MUC20: variants seen among roughly 807,000 people sequenced by gnomAD.
MUC20 encodes mucin-20.
Under a neutral mutation model 23.8 loss-of-function variants are expected in MUC20, and 14 were observed. That is an observed-to-expected ratio of 0.59 (90% CI 0.39 to 0.92). The LOEUF (loss-of-function observed/expected upper bound fraction) is 0.92, where lower values mean the gene tolerates loss of function less well. Ranked by LOEUF, MUC20 falls within the 40% of genes least tolerant of loss-of-function variation. The pLI is 0.00. For synonymous variants in MUC20, 166 were observed against 279.3 expected (o/e 0.59, Z 4.04); for missense variants, 375 against 668.8 (o/e 0.56, Z 4.85).
At position 195,733,181 on chromosome 3, in the gene MUC20, A is replaced by C; in HGVS notation, c.2093A>C (p.His698Pro). Reference protein sequence around the residue: ...LHRELHAHAPHFQVSLLRVRR... With the variant: ...LHRELHAHAPPFQVSLLRVRR... The stretch of plus-strand genomic sequence containing the variant: ...CGGGAACTCCACGCCCACGCGCCTC[A>C]CTTCCAGGTCTCCTTACTGCGTGTC... The change falls in exon 4 of 4, where the codon CAC becomes CCC. Residue 698 changes from histidine (H) to proline (P), a missense_variant. By Grantham distance (77) the His-to-Pro change is moderately conservative. This residue lies in a region of MUC20 where 343 missense variants were observed against 340.2 expected (regional missense o/e 1.01). Transcript: ENST00000447234. The C allele has an allele frequency of 3.1e-6, 5 of 1,595,750 alleles. No individual in the cohort carries two copies. Among genetic ancestry groups the C allele is most frequent in the Non-Finnish European group, 4.3e-6 (5 of 1,172,128 alleles).
At chr3:195,726,784 C>T (rs1282145148) in intron 2 of MUC20, among the ~76,000 whole-genome samples, 11 of 152,370 alleles carry the variant, frequency 7.2e-5, no homozygotes, top group Middle Eastern at 3.4e-3. Context: ...GATGGAAGTC[C>T]GGAGAAATGG....
At chr3:195,729,192 C>T (rs77023253) in intron 2 of MUC20, among the ~76,000 whole-genome samples, 2,111 of 152,212 alleles carry the variant, frequency 0.014, 8 homozygotes, top group Non-Finnish European at 0.022. Flanking sequence ...CCTTTCTCCC[C>T]TGGCTGTGCC....
intron 3 of MUC20, 125 bp downstream of exon 3, chr3:195,729,864 G>A: frequency 1.1e-6 from 1 of 922,692 alleles, no homozygotes; most frequent in Admixed American, 2.3e-5. Flanking sequence ...GTTTCTTACG[G>A]AGAATTGGGA....
Position 195,733,191 on chromosome 3 carries a change from C to G in MUC20, c.2103C>G (p.Val701=), listed in dbSNP as rs763427998. Residue 701 remains valine, a synonymous_variant, in exon 4 of 4, where the codon GTC becomes GTG. Transcript: ENST00000447234. ...ACGCCCACGCGCCTCACTTCCAGGT[C>G]TCCTTACTGCGTGTCAGGAGAGGCT... The part of the protein sequence containing the change: ...ELHAHAPHFQ[V]SLLRVRRG 6.3e-7 allele frequency: 1 copy of G among 1,595,242 alleles called. No individual in the cohort carries two copies. The highest frequency in any genetic ancestry group is 1.2e-5 in the South Asian group (1 of 86,904).
At chr3:195,729,820 A>C (rs1713180714) in intron 3 of MUC20, 81 bp downstream of exon 3, 1 of 1,339,652 alleles carries the variant, frequency 7.5e-7, no homozygotes, top group Non-Finnish European at 1.0e-6. Flanking sequence ...CGCAGGACAC[A>C]GAAGAGCAGC....
intron 3 of MUC20, 115 bp from the exon 4 acceptor site, chr3:195,733,035 G>T: frequency 8.8e-7 from 1 of 1,129,956 alleles, no homozygotes; most frequent in Non-Finnish European, 1.3e-6. Flanking sequence ...GGAGGCCCAG[G>T]AAGGGTTGCC....
At position 195,730,559 on chromosome 3, in the gene MUC20, C is replaced by T. The variant is rs1418906893; in HGVS notation, c.2061+820C>T. On this transcript the variant is annotated intron_variant, in intron 3 of 3. Transcript: ENST00000447234. The stretch of plus-strand genomic sequence containing the variant: ...TAGAGACGGGGTTTCACCGTGTTAG[C>T]CAGAATAGTCTCAATCTCCTGACCT... Among the ~76,000 whole-genome samples the T allele has an allele frequency of 2.6e-5, 4 of 152,038 alleles. No individual in the cohort carries two copies. In the East Asian group the frequency reaches 5.8e-4, roughly 22 times the overall value.
At chr3:195,727,179 C>G (rs1712783910) in intron 2 of MUC20, among the ~76,000 whole-genome samples, 1 of 152,280 alleles carries the variant, frequency 6.6e-6, no homozygotes, top group Admixed American at 6.5e-5. Context: ...GCCGGCGGAT[C>G]ACCTGAGGTC....
chr3:195,728,433 G>A (rs1319032919), intron 2 of MUC20, among the ~76,000 whole-genome samples: 2 of 152,288 alleles, frequency 1.3e-5, no homozygotes, highest in Non-Finnish European at 2.9e-5. Context: ...ACGTAGGCCA[G>A]ATTTATGTTT....
Position 195,726,302 on chromosome 3 carries a change from G to C in MUC20, c.1699G>C (p.Ala567Pro). ...AGCAGTGGGCAAAACAACTTCCTTTGCTGGGAGCTCTGCTTCCTCCTACAG... is the reference window on the plus strand; with the variant it reads ...AGCAGTGGGCAAAACAACTTCCTTTCCTGGGAGCTCTGCTTCCTCCTACAG... ...GSAVGKTTSFAGSSASSYSPS... is the reference protein window; with the variant it reads ...GSAVGKTTSFPGSSASSYSPS... The change falls in exon 2 of 4, where the codon GCT becomes CCT. Residue 567 changes from alanine (A) to proline (P), a missense_variant. This residue lies in a region of MUC20 where 343 missense variants were observed against 340.2 expected (regional missense o/e 1.01). Transcript: ENST00000447234. 1 of 1,614,064 alleles carries C rather than the reference G, an allele frequency of 6.2e-7. No homozygotes were observed. The highest frequency in any genetic ancestry group is 8.5e-7 in the Non-Finnish European group (1 of 1,179,908).
At chr3:195,721,432 G>T (rs57890979) in intron 1 of MUC20, among the ~76,000 whole-genome samples, 1 of 151,632 alleles carries the variant, frequency 6.6e-6, no homozygotes, top group East Asian at 1.9e-4. Context: ...GGCACGGAGC[G>T]GGGGTGCAGG....
At chr3:195,727,865 ACCAC>A (rs1426252816) in intron 2 of MUC20, among the ~76,000 whole-genome samples, 3 of 148,012 alleles carry the variant, frequency 2.0e-5, no homozygotes, top group Non-Finnish European at 4.4e-5. Context: ...CAGGCAGTGT[ACCAC>A]CAGCTTTGCA....
intron 3 of MUC20, 71 bp downstream of exon 3, chr3:195,729,810 C>T (rs751942625): frequency 3.9e-5 from 55 of 1,413,208 alleles, no homozygotes; most frequent in Non-Finnish European, 4.7e-5. Context: ...AGGGAAGACC[C>T]GCAGGACACA....
chr3:195,727,829 C>T (rs573842670), intron 2 of MUC20, among the ~76,000 whole-genome samples: 5 of 140,798 alleles, frequency 3.6e-5, no homozygotes, highest in Non-Finnish European at 5.9e-5. Flanking sequence ...CAGTGTGCCA[C>T]CGGCTTTGCA....
At position 195,729,676 on chromosome 3, in the gene MUC20, G is replaced by T. The variant is rs1055296209; in HGVS notation, c.1998G>T (p.Arg666=). 9.4e-6 allele frequency: 15 copies of T among 1,593,470 alleles called. No individual in the cohort carries two copies. The highest frequency in any genetic ancestry group is 1.3e-5 in the Non-Finnish European group (15 of 1,169,024). The stretch of plus-strand genomic sequence containing the variant: ...AAAATGGAGGTTTCCTCCTCCTGCG[G>T]CTGAGTGTGGCTTCCCCGGAAGACC... ...AGENGGFLLL[R]LSVASPEDLT... Residue 666 remains arginine (R), a synonymous_variant, in exon 3 of 4, where the codon CGG becomes CGT. Transcript: ENST00000447234.
chr3:195,729,567 CTGCCTCCCAAA>C, intron 2 of MUC20, 70 bp from the exon 3 acceptor site: 1 of 1,339,190 alleles, frequency 7.5e-7, no homozygotes, highest in Non-Finnish European at 1.0e-6. Flanking sequence ...CCACCTGCCT[CTGCCTCCCAAA>C]GTGCTGGGAT....
At chr3:195,732,784 T>C (rs1339828885) in intron 3 of MUC20, among the ~76,000 whole-genome samples, 1 of 152,142 alleles carries the variant, frequency 6.6e-6, no homozygotes, top group Non-Finnish European at 1.5e-5. Context: ...CCACATGGGG[T>C]TGGGCATCAG....
At chr3:195,729,915 C>T in intron 3 of MUC20, 176 bp downstream of exon 3, 3 of 659,180 alleles carry the variant, frequency 4.6e-6, no homozygotes, top group Non-Finnish European at 7.7e-6. Context: ...CTTCTGCCTG[C>T]CTTCTCCGAG....
chr3:195,726,150 C>T lies in MUC20; in HGVS notation c.1547C>T (p.Thr516Met), dbSNP rs548603585. 7.8e-5 allele frequency: 125 copies of T among 1,609,074 alleles called. No homozygotes were observed. The Admixed American group carries it at 1.5e-3, about 19-fold the overall frequency. ...AGAGAAGTGACAGCACCCGGGGCCA[C>T]GACCCTCAGTGGAGCTCTGGTCACA... ...TEREVTAPGATTLSGALVTVS... is the reference protein window; with the variant it reads ...TEREVTAPGAMTLSGALVTVS... The change falls in exon 2 of 4, where the codon ACG becomes ATG. Residue 516 changes from threonine to methionine, a missense_variant. Transcript: ENST00000447234.
Sources: gnomAD v4.1 joint callset for allele counts (sites outside exome capture counted in the v4.1 genomes callset) on GRCh38, gnomAD v4.1.1 for gene constraint, gnomAD v4.1.1 regional missense constraint, MANE v1.5 for transcripts, NCBI Gene and HGNC (gene_info 2026-07-23, HGNC 2026-07-21) for gene names.